Variants in ETNK1 observed in about 807,000 individuals in gnomAD.
ETNK1 encodes the protein ethanolamine kinase 1, also known as putative protein product of Nbla10396.
A neutral mutation model predicts 45.1 loss-of-function variants in ETNK1; 8 were observed. The ratio of observed to expected loss-of-function variants is 0.18; its 90% CI spans 0.10 to 0.32. ETNK1 has a LOEUF of 0.32. Ranked by LOEUF, ETNK1 falls within the 10% of genes least tolerant of loss-of-function variation. The probability of loss-of-function intolerance (pLI) is 1.00; values close to 1 mark genes in which losing one functional copy is unlikely to be tolerated. For missense variants in ETNK1, 302 were observed against 430.6 expected (o/e 0.70, Z 2.64); for synonymous variants, 152 against 151.9 (o/e 1.00, Z -0.01).
In ETNK1 at chr12:22,688,043, A is replaced by C. The variant is rs1420950226; in HGVS notation, c.*3089A>C. ...ATTCCTGGAAGCAGTGAATTTATAC[A>C]CTGTTATATTAATAGAGCTCCGTTC... On this transcript the variant is annotated 3_prime_UTR_variant, in exon 8 of 8. Transcript: ENST00000266517. 1 of 152,278 alleles carries C rather than the reference A, an allele frequency of 6.6e-6. No individual in the cohort carries two copies. The highest frequency in any genetic ancestry group is 2.4e-5 in the African/African-American group (1 of 41,418). 9.4% of individuals were successfully genotyped at this position (152,278 alleles called of 1,614,324 possible). A position where few individuals can be genotyped will look rare whatever the true frequency, so the allele number is the denominator to read the frequency against.
intron 4 of ETNK1, among the ~76,000 whole-genome samples, chr12:22,666,659 T>C (rs554617078): frequency 3.9e-5 from 6 of 152,312 alleles, no homozygotes; most frequent in Non-Finnish European, 5.9e-5. Flanking sequence ...GTAATGGCAA[T>C]CACTGTTTAT....
chr12:22,684,265 A>G (rs1218983916), intron 6 of ETNK1, among the ~76,000 whole-genome samples: 1 of 152,096 alleles, frequency 6.6e-6, no homozygotes, highest in Non-Finnish European at 1.5e-5. Context: ...AAGTGATTAT[A>G]ATTTACCATA....
At chr12:22,627,157 T>A (rs1953512779) in intron 1 of ETNK1, among the ~76,000 whole-genome samples, 1 of 150,592 alleles carries the variant, frequency 6.6e-6, no homozygotes, top group African/African-American at 2.5e-5. Flanking sequence ...ATTATTTTTT[T>A]TTTATCTTAG....
chr12:22,641,801 A>T (rs1953741343), intron 1 of ETNK1, among the ~76,000 whole-genome samples: 1 of 152,166 alleles, frequency 6.6e-6, no homozygotes, highest in Admixed American at 6.6e-5. Flanking sequence ...ATATCTTTTT[A>T]TTCTAGCGGT....
chr12:22,626,226 C>G (rs1376651299), intron 1 of ETNK1: 7 of 161,586 alleles, frequency 4.3e-5, no homozygotes, highest in African/African-American at 1.7e-4. Context: ...TGGCTTGTGA[C>G]TGTTTCCTTT....
At chr12:22,667,987 A>T (rs1464593504) in intron 4 of ETNK1, among the ~76,000 whole-genome samples, 1 of 152,202 alleles carries the variant, frequency 6.6e-6, no homozygotes, top group Non-Finnish European at 1.5e-5. Flanking sequence ...GGAAAATTCA[A>T]ATTGTAGTTT....
chr12:22,656,893 T>TAA (rs2137551974), intron 2 of ETNK1: 2 of 777,158 alleles, frequency 2.6e-6, no homozygotes, highest in South Asian at 1.2e-4. Flanking sequence ...TCTGTTGACA[T>TAA]AGATTGCCCC....
intron 1 of ETNK1, among the ~76,000 whole-genome samples, chr12:22,628,376 A>G (rs1371551376): frequency 6.6e-6 from 1 of 152,096 alleles, no homozygotes; most frequent in Non-Finnish European, 1.5e-5. Context: ...TTTGGCTCAT[A>G]AAAAGATTCT....
intron 1 of ETNK1, among the ~76,000 whole-genome samples, chr12:22,630,831 G>A (rs1214643965): frequency 2.6e-5 from 4 of 151,790 alleles, no homozygotes; most frequent in African/African-American, 9.7e-5. Flanking sequence ...GGCTGGTCTC[G>A]AATGCCTGAC....
At chr12:22,671,377 AT>A in intron 5 of ETNK1, 22 bp downstream of exon 5, 1 of 1,380,272 alleles carries the variant, frequency 7.2e-7, no homozygotes, top group Non-Finnish European at 1.0e-6. Context: ...GGAGTAACTT[AT>A]TTAGCTTTGA....
rs185743187 is a variant in ETNK1 at position 22,684,224 on chromosome 12, A to G, written c.946-259A>G. 8.3e-4 allele frequency among the ~76,000 whole-genome samples: 126 copies of G among 152,290 alleles called. 1 individual carries two copies. The East Asian group carries it at 0.014, about 17-fold the overall frequency. On this transcript the variant is annotated intron_variant, in intron 6 of 7. Coordinates refer to ENST00000266517, the MANE Select transcript of ETNK1 (RefSeq NM_018638.5). ...GATGGTAAACTTTGCTTTATAAAAAAGCACATCACAGGAACTGGCCTCTAT... is the reference window on the plus strand; with the variant it reads ...GATGGTAAACTTTGCTTTATAAAAAGGCACATCACAGGAACTGGCCTCTAT...
chr12:22,637,905 C>CAGTCTTATAAGA (rs1340502315), intron 1 of ETNK1, among the ~76,000 whole-genome samples: 1 of 152,042 alleles, frequency 6.6e-6, no homozygotes, highest in African/African-American at 2.4e-5. Flanking sequence ...TAAGAAAGCT[C>CAGTCTTATAAGA]AGTCTTATAA....
chr12:22,625,385 C>T lies in ETNK1; in HGVS notation c.-46C>T, dbSNP rs1402397589. 2 of 1,561,042 alleles carry T rather than the reference C, an allele frequency of 1.3e-6. No individual in the cohort carries two copies. Among genetic ancestry groups the T allele is most frequent in the African/African-American group, 1.4e-5 (1 of 72,982 alleles). ...TGTCGGCGCCCGCCGTTCTCGTGGT[C>T]GCCGTCGCCGTCGTCGTGGTGGTAG... On this transcript the variant is annotated 5_prime_UTR_variant, in exon 1 of 8. Transcript: ENST00000266517.
chr12:22,634,188 T>C (rs1953623394), intron 1 of ETNK1, among the ~76,000 whole-genome samples: 2 of 152,160 alleles, frequency 1.3e-5, no homozygotes, highest in South Asian at 4.1e-4. Context: ...TTTCTGCATT[T>C]CATGATGATT....
At chr12:22,663,521 G>GT (rs1954027269) in intron 4 of ETNK1, among the ~76,000 whole-genome samples, 1 of 151,950 alleles carries the variant, frequency 6.6e-6, no homozygotes, top group Non-Finnish European at 1.5e-5. Context: ...TGTCTTGGGT[G>GT]TTAAAAAATA....
At chr12:22,679,196 A>T (rs1454961494) in intron 6 of ETNK1, among the ~76,000 whole-genome samples, 2 of 152,222 alleles carry the variant, frequency 1.3e-5, no homozygotes, top group Non-Finnish European at 2.9e-5. Flanking sequence ...AAAGTCTCAA[A>T]ACCAGAAGAG....
chr12:22,625,339 G>A lies in ETNK1; in HGVS notation c.-92G>A. 1 of 1,580,868 alleles carries A rather than the reference G, an allele frequency of 6.3e-7. No homozygotes were observed. Among genetic ancestry groups the A allele is most frequent in the Non-Finnish European group, 8.6e-7 (1 of 1,165,950 alleles). On this transcript the variant is annotated 5_prime_UTR_variant, in exon 1 of 8. Transcript: ENST00000266517. ...CCAGCCCTCCCGCGAGGGCGCCCCG[G>A]GACGGAAGGATCCACCAGTCTGTCG...
intron 1 of ETNK1, among the ~76,000 whole-genome samples, chr12:22,637,523 A>G (rs1235093865): frequency 6.6e-6 from 1 of 152,216 alleles, no homozygotes; most frequent in African/African-American, 2.4e-5. Context: ...AGATGGTGGT[A>G]GTGTAGTATA....
chr12:22,625,359 CTGTCGG>C lies in ETNK1; in HGVS notation c.-71_-66del. 1 of 1,551,164 alleles carries C rather than the reference CTGTCGG, an allele frequency of 6.4e-7. No individual in the cohort carries two copies. Among genetic ancestry groups the C allele is most frequent in the East Asian group, 2.4e-5 (1 of 41,666 alleles). ...CCCCGGGACGGAAGGATCCACCAGT[CTGTCGG>C]CGCCCGCCGTTCTCGTGGTCGCCGT... is the stretch of plus-strand genomic sequence containing the variant. On this transcript the variant is annotated 5_prime_UTR_variant, in exon 1 of 8. Coordinates refer to ENST00000266517, the MANE Select transcript of ETNK1 (RefSeq NM_018638.5).
Sources: allele counts gnomAD v4.1 joint callset (sites outside exome capture counted in the v4.1 genomes callset), GRCh38; gene constraint gnomAD v4.1.1; transcripts MANE v1.5; gene names NCBI Gene and HGNC (gene_info 2026-07-23, HGNC 2026-07-21).